The following TGFB1I1 variants were observed in gnomAD, a reference collection of about 807,000 sequenced individuals.
TGFB1I1 encodes the protein transforming growth factor beta-1-induced transcript 1 protein.
TGFB1I1 carries 33 observed loss-of-function variants against 52.0 expected under a neutral mutation model. That is an observed-to-expected ratio of 0.63 (90% CI 0.48 to 0.85). TGFB1I1 has a LOEUF of 0.85. Ranked by LOEUF, TGFB1I1 falls within the 40% of genes least tolerant of loss-of-function variation. The pLI, the probability that TGFB1I1 is intolerant of heterozygous loss-of-function variation, is 0.00. For synonymous variants in TGFB1I1, 236 were observed against 253.3 expected (o/e 0.93, Z 0.65); for missense variants, 577 against 614.9 (o/e 0.94, Z 0.65).
chr16:31,474,465 G>C lies in TGFB1I1; in HGVS notation c.519+10G>C. On this transcript the variant is annotated intron_variant, in intron 6 of 10. Coordinates refer to ENST00000394863, the MANE Select transcript of TGFB1I1 (RefSeq NM_001042454.3). The surrounding 1 kb of genome is among the most constrained non-coding windows in gnomAD (Gnocchi z 4.2). ...CCGCGTTCAAAACCATGTGAGTTGG[G>C]CAGTGGGCCAGTGTCCATTTGTGGC... 6.2e-7 allele frequency: 1 copy of C among 1,614,068 alleles called. No homozygotes were observed. Among genetic ancestry groups the C allele is most frequent in the Non-Finnish European group, 8.5e-7 (1 of 1,179,998 alleles).
chr16:31,474,792 C>A lies in TGFB1I1; in HGVS notation c.714+35C>A. On this transcript the variant is annotated intron_variant, in intron 7 of 10. Coordinates refer to ENST00000394863, the MANE Select transcript of TGFB1I1 (RefSeq NM_001042454.3). This position sits in a 1 kb window ranked among gnomAD's most constrained non-coding sequence, Gnocchi z 4.2. ...GCCTTGTGAGAAGGGAGGCAGAGAC[C>A]TGTCACAGACCCATCTTTAGTGAGA... 1 of 1,571,514 alleles carries A rather than the reference C, an allele frequency of 6.4e-7. No homozygotes were observed. Among genetic ancestry groups the A allele is most frequent in the African/African-American group, 1.3e-5 (1 of 74,584 alleles).
chr16:31,477,340 T>A lies in TGFB1I1; in HGVS notation c.1150T>A (p.Phe384Ile). ...CTTCGCGCCCTTCTCGGGAGGCAGC[T>A]TTTTCGAGCACGAGGGCCGCCCGTT... ...ECFAPFSGGS[F>I]FEHEGRPLCE... The change falls in exon 11 of 11, where the codon TTT becomes ATT. Residue 384 changes from phenylalanine to isoleucine, a missense_variant. Physicochemically the swap from Phe to Ile is conservative, Grantham distance 21. Around this residue, in one of 3 missense-constraint regions of TGFB1I1, gnomAD observed 456 missense variants for 461.6 expected, o/e 0.99. Coordinates refer to ENST00000394863, the MANE Select transcript of TGFB1I1 (RefSeq NM_001042454.3). The surrounding 1 kb of genome is among the most constrained non-coding windows in gnomAD (Gnocchi z 4.7). 1.2e-6 allele frequency: 2 copies of A among 1,611,008 alleles called. No individual in the cohort carries two copies. Among genetic ancestry groups the A allele is most frequent in the South Asian group, 2.2e-5 (2 of 90,956 alleles).
At position 31,472,225 on chromosome 16, in the gene TGFB1I1, T is replaced by A. The variant is rs199622942; in HGVS notation, c.13+24T>A. ...GGGTGAGTGGGGCCGGATCCCCGGG[T>A]CCGTGGCCCCTCACCGCTGCCCAGA... On this transcript the variant is annotated intron_variant, in intron 1 of 10. Transcript: ENST00000394863. The A allele has an allele frequency of 1.8e-4, 261 of 1,469,914 alleles. 1 individual carries two copies. In the East Asian group the frequency reaches 6.8e-3, roughly 38 times the overall value. 91.1% of individuals were successfully genotyped at this position (1,469,914 alleles called of 1,614,324 possible).
chr16:31,475,801 G>A (rs1442674407), intron 7 of TGFB1I1: 1 of 533,522 alleles, frequency 1.9e-6, no homozygotes. Flanking sequence ...CGCTGTGCCT[G>A]CTGTGCCTCA....
chr16:31,476,019 C>G lies in TGFB1I1; in HGVS notation c.722C>G (p.Thr241Arg). The change falls in exon 8 of 11, where the codon ACG becomes AGG. Residue 241 changes from threonine to arginine, a missense_variant. Transcript: ENST00000394863. The surrounding 1 kb of genome is among the most constrained non-coding windows in gnomAD (Gnocchi z 7.6). Reference sequence around the variant, plus strand: ...CTCACCTCCCACTCGCAGGTGGTGACGGCTCTGGGCCGCGCCTGGCACCCC... The same window carrying G: ...CTCACCTCCCACTCGCAGGTGGTGAGGGCTCTGGGCCGCGCCTGGCACCCC... ...CNKPIAGQVV[T>R]ALGRAWHPEH... is the part of the protein sequence containing the mutation. 1 of 1,611,540 alleles carries G rather than the reference C, an allele frequency of 6.2e-7. No homozygotes were observed. The highest frequency in any genetic ancestry group is 8.5e-7 in the Non-Finnish European group (1 of 1,179,448).
In TGFB1I1 at chr16:31,474,603, C is replaced by A; in HGVS notation, c.560C>A (p.Ser187Tyr). 6.2e-7 allele frequency: 1 copy of A among 1,609,928 alleles called. No homozygotes were observed. The highest frequency in any genetic ancestry group is 8.5e-7 in the Non-Finnish European group (1 of 1,177,196). The change falls in exon 7 of 11, where the codon TCC becomes TAC. Residue 187 changes from serine to tyrosine, a missense_variant. By Grantham distance (144) the Ser-to-Tyr change is moderately radical. This residue lies in a region of TGFB1I1 where 456 missense variants were observed against 461.6 expected (regional missense o/e 0.99). Coordinates refer to ENST00000394863, the MANE Select transcript of TGFB1I1 (RefSeq NM_001042454.3). The surrounding 1 kb of genome is among the most constrained non-coding windows in gnomAD (Gnocchi z 4.2). ...SGPTQPPVVS[S>Y]TNEGSPSPPE... ...CCAACTCAGCCACCGGTGGTGAGCT[C>A]CACAAATGAGGGCTCCCCATCCCCA...
rs753143861 is a variant in TGFB1I1, at chr16:31,476,577, G to T, written c.970+15G>T. The T allele has an allele frequency of 1.2e-5, 19 of 1,609,636 alleles. No homozygotes were observed. The highest frequency in any genetic ancestry group is 5.1e-5 in the Admixed American group (3 of 59,390). On this transcript the variant is annotated intron_variant, in intron 9 of 10. Coordinates refer to ENST00000394863, the MANE Select transcript of TGFB1I1 (RefSeq NM_001042454.3). The surrounding 1 kb of genome is among the most constrained non-coding windows in gnomAD (Gnocchi z 7.6). ...CGGAGATGAGGGTGAGAGTGAACTC[G>T]ACTCCCATCTTAAAAGCTGCGGGTC...
rs753186231 is a variant in TGFB1I1, at chr16:31,474,121, T to A, written c.326-31T>A. On this transcript the variant is annotated intron_variant, in intron 4 of 10. Transcript: ENST00000394863. The surrounding 1 kb of genome is among the most constrained non-coding windows in gnomAD (Gnocchi z 4.2). ...TGTGAGGGTGCGTTGAGCATGGCCC[T>A]ATATGTAGCGTCCTCCTCTCCTCTC... 1.9e-6 allele frequency: 3 copies of A among 1,612,778 alleles called. No homozygotes were observed. The East Asian group carries it at 6.7e-5, about 36-fold the overall frequency.
In TGFB1I1 at chr16:31,476,669, C is replaced by G. The variant is rs1201080697; in HGVS notation, c.970+107C>G. 32 of 1,440,228 alleles carry G rather than the reference C, an allele frequency of 2.2e-5. No individual in the cohort carries two copies. Among genetic ancestry groups the G allele is most frequent in the Non-Finnish European group, 2.7e-5 (29 of 1,054,570 alleles). 89.2% of individuals were successfully genotyped at this position (1,440,228 alleles called of 1,614,324 possible). ...TCAGGGCCATGGTTTTCCTTCTGCT[C>G]TCTTCTGGCCCTGCCCTCTCCTACA... is the stretch of plus-strand genomic sequence containing the variant. On this transcript the variant is annotated intron_variant, in intron 9 of 10. Coordinates refer to ENST00000394863, the MANE Select transcript of TGFB1I1 (RefSeq NM_001042454.3). This position sits in a 1 kb window ranked among gnomAD's most constrained non-coding sequence, Gnocchi z 7.6.
At chr16:31,473,592 GGGCCAGGCTC>G (rs1452179994) in intron 2 of TGFB1I1, 36 bp downstream of exon 2, 3 of 1,612,388 alleles carry the variant, frequency 1.9e-6, no homozygotes, top group Non-Finnish European at 2.5e-6. Context: ...GCAGCCACTA[GGGCCAGGCTC>G]GGCCTGGTCT....
Position 31,474,047 on chromosome 16 carries a change from G to A in TGFB1I1, c.325+70G>A. ...GAGGGAAGGGTGGGGCAGAGACTAA[G>A]AGGAATACACTTCCCAGAGTAGCAG... is the stretch of plus-strand genomic sequence containing the variant. On this transcript the variant is annotated intron_variant, in intron 4 of 10. Transcript: ENST00000394863. The surrounding 1 kb of genome is among the most constrained non-coding windows in gnomAD (Gnocchi z 4.2). 1.2e-6 allele frequency: 2 copies of A among 1,611,232 alleles called. No individual in the cohort carries two copies.
In TGFB1I1 at chr16:31,477,643, C is replaced by G; in HGVS notation, c.*67C>G. 6.7e-7 allele frequency: 1 copy of G among 1,495,786 alleles called. No individual in the cohort carries two copies. The allele number at this position is 1,495,786 out of a possible 1,614,324, so 92.7% of individuals were successfully genotyped here. On this transcript the variant is annotated 3_prime_UTR_variant, in exon 11 of 11. Transcript: ENST00000394863. This position sits in a 1 kb window ranked among gnomAD's most constrained non-coding sequence, Gnocchi z 4.7. Reference sequence around the variant, plus strand: ...CCCGGAAAAGCCGGGTCCTCCAGACCCCGAGGCCTTGCTCTCAGAGCGGGA... The same window carrying G: ...CCCGGAAAAGCCGGGTCCTCCAGACGCCGAGGCCTTGCTCTCAGAGCGGGA...
Position 31,477,632 on chromosome 16 carries a change from G to C in TGFB1I1, c.*56G>C. 6.6e-7 allele frequency: 1 copy of C among 1,524,536 alleles called. No homozygotes were observed. Among genetic ancestry groups the C allele is most frequent in the Non-Finnish European group, 8.8e-7 (1 of 1,139,980 alleles). 94.4% of individuals were successfully genotyped at this position (1,524,536 alleles called of 1,614,324 possible). On this transcript the variant is annotated 3_prime_UTR_variant, in exon 11 of 11. Transcript: ENST00000394863. This position sits in a 1 kb window ranked among gnomAD's most constrained non-coding sequence, Gnocchi z 4.7. ...GGCCGCGCCCTCCCGGAAAAGCCGGGTCCTCCAGACCCCGAGGCCTTGCTC... is the reference window on the plus strand; with the variant it reads ...GGCCGCGCCCTCCCGGAAAAGCCGGCTCCTCCAGACCCCGAGGCCTTGCTC...
chr16:31,474,516 A>G lies in TGFB1I1; in HGVS notation c.520-47A>G, dbSNP rs771607002. ...TCCCCAACCCCTTCTAGACAATTCC[A>G]CATCTGCTGCTTTGCTGACTCAATT... On this transcript the variant is annotated intron_variant, in intron 6 of 10. Transcript: ENST00000394863. The surrounding 1 kb of genome is among the most constrained non-coding windows in gnomAD (Gnocchi z 4.2). The G allele has an allele frequency of 6.2e-6, 10 of 1,612,376 alleles. No individual in the cohort carries two copies. The highest frequency in any genetic ancestry group is 8.5e-6 in the Non-Finnish European group (10 of 1,178,984).
Position 31,476,259 on chromosome 16 carries a change from G to T in TGFB1I1, c.888+74G>T. ...CTGTGGGACGGGCCTCCACCGCATG[G>T]GTCCCGCCCCACCCGCGATACCCCA... On this transcript the variant is annotated intron_variant, in intron 8 of 10. Coordinates refer to ENST00000394863, the MANE Select transcript of TGFB1I1 (RefSeq NM_001042454.3). This position sits in a 1 kb window ranked among gnomAD's most constrained non-coding sequence, Gnocchi z 7.6. 2 of 1,550,642 alleles carry T rather than the reference G, an allele frequency of 1.3e-6. No homozygotes were observed. Among genetic ancestry groups the T allele is most frequent in the Non-Finnish European group, 1.7e-6 (2 of 1,148,512 alleles).
rs1420103930 is a variant in TGFB1I1, at chr16:31,477,123, G to T, written c.1119+113G>T. The T allele has an allele frequency of 1.9e-5, 26 of 1,384,938 alleles. No individual in the cohort carries two copies. The highest frequency in any genetic ancestry group is 2.4e-5 in the Non-Finnish European group (25 of 1,042,830). 85.8% of individuals were successfully genotyped at this position (1,384,938 alleles called of 1,614,324 possible). On this transcript the variant is annotated intron_variant, in intron 10 of 10. Transcript: ENST00000394863. This position sits in a 1 kb window ranked among gnomAD's most constrained non-coding sequence, Gnocchi z 4.7. Reference sequence around the variant, plus strand: ...AGGGCAGGGGGCGGGCCCTCGGGGGGGCGGGTCACGGGAGGTGCTGCTAGG... The same window carrying T: ...AGGGCAGGGGGCGGGCCCTCGGGGGTGCGGGTCACGGGAGGTGCTGCTAGG...
At chr16:31,472,530 T>G in intron 1 of TGFB1I1, 1 of 290,710 alleles carries the variant, frequency 3.4e-6, no homozygotes, top group Non-Finnish European at 6.3e-6. Context: ...ACCGGGAAAG[T>G]AGAGGGCACG....
chr16:31,476,338 C>A lies in TGFB1I1; in HGVS notation c.889-143C>A. The A allele has an allele frequency of 8.0e-7, 1 of 1,253,162 alleles. No individual in the cohort carries two copies. Among genetic ancestry groups the A allele is most frequent in the Non-Finnish European group, 1.1e-6 (1 of 905,374 alleles). 77.6% of individuals were successfully genotyped at this position (1,253,162 alleles called of 1,614,324 possible). Reference sequence around the variant, plus strand: ...TGTCCACGGCCCCTTGGACTCCACTCTTCCTTTCTGACCCCCACGTTCCTA... The same window carrying A: ...TGTCCACGGCCCCTTGGACTCCACTATTCCTTTCTGACCCCCACGTTCCTA... On this transcript the variant is annotated intron_variant, in intron 8 of 10. Transcript: ENST00000394863. This position sits in a 1 kb window ranked among gnomAD's most constrained non-coding sequence, Gnocchi z 7.6.
intron 7 of TGFB1I1, chr16:31,475,010 C>A: frequency 2.0e-6 from 1 of 509,714 alleles, no homozygotes; most frequent in South Asian, 2.2e-5. Flanking sequence ...CCTTTACAAA[C>A]CCTCATCTCA....
Sources: allele counts gnomAD v4.1 joint callset, GRCh38; gene constraint gnomAD v4.1.1; regional missense constraint gnomAD v4.1.1; non-coding constraint Gnocchi (gnomAD v3.1); transcripts MANE v1.5; gene names NCBI Gene and HGNC (gene_info 2026-07-23, HGNC 2026-07-21).